GSK3B: variants seen among roughly 807,000 people sequenced by gnomAD.
GSK3B encodes glycogen synthase kinase-3 beta.
Under a neutral mutation model 56.4 loss-of-function variants are expected in GSK3B, and 15 were observed. The ratio of observed to expected loss-of-function variants is 0.27; its 90% CI spans 0.18 to 0.41. The LOEUF (loss-of-function observed/expected upper bound fraction) is 0.41. GSK3B is among the 10% of genes least tolerant of loss of function. The pLI is 1.00. For synonymous variants in GSK3B, 181 were observed against 188.9 expected, an observed-to-expected ratio of 0.96 and a Z score of 0.34; for missense variants, 300 against 513.4, an observed-to-expected ratio of 0.58 and a Z score of 4.02.
At chr3:119,859,015 G>A (rs1719891) in intron 9 of GSK3B, among the ~76,000 whole-genome samples, 70,904 of 151,526 alleles carry the variant, frequency 0.47, 19,729 homozygotes, top group Non-Finnish European at 0.61. Context: ...CACCATAATG[G>A]ATGTAATAAC....
At chr3:119,984,751 AC>A (rs2057498672) in intron 2 of GSK3B, among the ~76,000 whole-genome samples, 1 of 152,288 alleles carries the variant, frequency 6.6e-6, no homozygotes, top group East Asian at 1.9e-4. Context: ...AAAGTCCAGG[AC>A]CAGAGGTACA....
rs569114373 is a variant in GSK3B at position 119,920,105 on chromosome 3, C to T, written c.477+3268G>A. On this transcript the variant is annotated intron_variant, in intron 4 of 10. Transcript: ENST00000264235. Reference sequence around the variant, plus strand: ...TTTGAACATACCTTGTTTTGTCAATCTTGCTTTGAACTATGTATAAATATT... The same window carrying T: ...TTTGAACATACCTTGTTTTGTCAATTTTGCTTTGAACTATGTATAAATATT... Among the ~76,000 whole-genome samples, 55 of 152,146 alleles carry T rather than the reference C, an allele frequency of 3.6e-4. 1 individual carries two copies. Among genetic ancestry groups the T allele is most frequent in the Admixed American group, 3.3e-4 (5 of 15,260 alleles).
rs141098322 is a variant in GSK3B, at chr3:119,856,310, C to T, written c.1096+7109G>A. Among the ~76,000 whole-genome samples, 46 of 152,268 alleles carry T rather than the reference C, an allele frequency of 3.0e-4. No homozygotes were observed. The East Asian group carries it at 8.7e-3, about 29-fold the overall frequency. On this transcript the variant is annotated intron_variant, in intron 9 of 10. Coordinates refer to ENST00000264235, the MANE Select transcript of GSK3B (RefSeq NM_001146156.2). ...CTGCAATGTTGCATTTCTTTACTGTCTTGGTTATATATCATATACCACCAG... is the reference window on the plus strand; with the variant it reads ...CTGCAATGTTGCATTTCTTTACTGTTTTGGTTATATATCATATACCACCAG...
intron 9 of GSK3B, among the ~76,000 whole-genome samples, chr3:119,860,937 A>T (rs1379132664): frequency 6.6e-6 from 1 of 152,162 alleles, no homozygotes; most frequent in East Asian, 1.9e-4. Flanking sequence ...CCTTTAGAAG[A>T]ACCTCACTAA....
chr3:119,842,446 A>G (rs1330576781), intron 10 of GSK3B, among the ~76,000 whole-genome samples: 1 of 152,172 alleles, frequency 6.6e-6, no homozygotes, highest in Non-Finnish European at 1.5e-5. Context: ...CTTATAATTT[A>G]TACTTCTTGA....
intron 2 of GSK3B, among the ~76,000 whole-genome samples, chr3:119,961,521 G>A (rs1229031075): frequency 2.0e-5 from 3 of 151,622 alleles, no homozygotes; most frequent in African/African-American, 7.3e-5. Context: ...CCAGTTACTC[G>A]GGAGGCTGAG....
intron 2 of GSK3B, among the ~76,000 whole-genome samples, chr3:119,959,720 T>A (rs780188810): frequency 1.3e-5 from 2 of 151,976 alleles, no homozygotes; most frequent in Non-Finnish European, 2.9e-5. Flanking sequence ...TTTCACCATG[T>A]TGGCCAGGCT....
At chr3:119,984,692 A>G (rs1031106575) in intron 2 of GSK3B, among the ~76,000 whole-genome samples, 12 of 152,196 alleles carry the variant, frequency 7.9e-5, no homozygotes, top group Admixed American at 6.5e-4. Flanking sequence ...GAATAGACCA[A>G]TAACAGGCTC....
rs550523258 is a variant in GSK3B at position 119,851,076 on chromosome 3, C to T, written c.1097-7723G>A. 3.9e-5 allele frequency among the ~76,000 whole-genome samples: 6 copies of T among 152,234 alleles called. No homozygotes were observed. In the East Asian group the frequency reaches 5.8e-4, roughly 15 times the overall value. On this transcript the variant is annotated intron_variant, in intron 9 of 10. Coordinates refer to ENST00000264235, the MANE Select transcript of GSK3B (RefSeq NM_001146156.2). ...ATGAAAACTATTCATTAAAAAGCCA[C>T]GTAGTTTATTAGGGAAAACTACAAA...
intron 1 of GSK3B, among the ~76,000 whole-genome samples, chr3:120,088,593 T>G (rs1170040246): frequency 6.6e-6 from 1 of 152,224 alleles, no homozygotes; most frequent in East Asian, 1.9e-4. Flanking sequence ...AATGCTTTTA[T>G]TCTTGAAATC....
chr3:119,981,535 T>C (rs762705594), intron 2 of GSK3B, among the ~76,000 whole-genome samples: 20 of 152,258 alleles, frequency 1.3e-4, no homozygotes, highest in Non-Finnish European at 2.5e-4. Flanking sequence ...GCTGACAAGA[T>C]GATTCTCTCC....
chr3:120,013,849 GT>G (rs1215912573), intron 1 of GSK3B, among the ~76,000 whole-genome samples: 2 of 130,202 alleles, frequency 1.5e-5, no homozygotes, highest in African/African-American at 3.6e-5. Context: ...AAGAAACCAC[GT>G]TTAAAAAAAA....
intron 1 of GSK3B, among the ~76,000 whole-genome samples, chr3:120,013,391 C>T (rs2057795583): frequency 6.6e-6 from 1 of 152,118 alleles, no homozygotes; most frequent in Non-Finnish European, 1.5e-5. Context: ...GAAAAAGCAA[C>T]AACTGAGACA....
chr3:119,945,469 G>C (rs2057091092), intron 3 of GSK3B, among the ~76,000 whole-genome samples: 1 of 152,116 alleles, frequency 6.6e-6, no homozygotes, highest in Middle Eastern at 3.2e-3. Context: ...AACAGCAGCA[G>C]AGAGGAAATT....
chr3:120,030,574 T>C (rs540869481), intron 1 of GSK3B, among the ~76,000 whole-genome samples: 3 of 152,336 alleles, frequency 2.0e-5, no homozygotes, highest in East Asian at 1.9e-4. Context: ...GTTTATTGAA[T>C]ACACAAAGCA....
rs763828967 is a variant in GSK3B at position 120,002,094 on chromosome 3, T to G, written c.234A>C (p.Ser78=). The G allele has an allele frequency of 1.2e-6, 2 of 1,608,990 alleles. No homozygotes were observed. Among genetic ancestry groups the G allele is most frequent in the Admixed American group, 1.7e-5 (1 of 59,060 alleles). The change falls in exon 2 of 11, where the codon TCA becomes TCC. Residue 78 remains serine (S), a synonymous_variant. Coordinates refer to ENST00000264235, the MANE Select transcript of GSK3B (RefSeq NM_001146156.2). ...GVVYQAKLCD[S]GELVAIKKVL... ...CTTTCTTGATGGCGACCAGTTCTCCTGAATCACAAAGTTTGGCTTGATATA... is the reference window on the plus strand; with the variant it reads ...CTTTCTTGATGGCGACCAGTTCTCCGGAATCACAAAGTTTGGCTTGATATA...
intron 3 of GSK3B, among the ~76,000 whole-genome samples, chr3:119,928,540 G>A (rs1279927894): frequency 6.9e-6 from 1 of 145,612 alleles, no homozygotes; most frequent in Admixed American, 7.0e-5. Context: ...AGGAGGCAGA[G>A]GTTGCAGTAA....
chr3:120,081,012 T>C lies in GSK3B; in HGVS notation c.88+12335A>G, dbSNP rs1436704169. Among the ~76,000 whole-genome samples, 3 of 152,054 alleles carry C rather than the reference T, an allele frequency of 2.0e-5. No homozygotes were observed. The East Asian group carries it at 5.8e-4, about 29-fold the overall frequency. ...AACTGTCAGGTTTCACTGTTATAAA[T>C]CTCTCTTCAGTCCTTACCCACTCCA... On this transcript the variant is annotated intron_variant, in intron 1 of 10. Transcript: ENST00000264235.
chr3:120,068,268 G>C (rs1315775441), intron 1 of GSK3B, among the ~76,000 whole-genome samples: 4 of 151,812 alleles, frequency 2.6e-5, no homozygotes, highest in African/African-American at 7.3e-5. Flanking sequence ...GCACGCGCCT[G>C]TAATACCAGC....
Sources: gnomAD v4.1 joint callset for allele counts (sites outside exome capture counted in the v4.1 genomes callset) on GRCh38, gnomAD v4.1.1 for gene constraint, MANE v1.5 for transcripts, NCBI Gene and HGNC (gene_info 2026-07-23, HGNC 2026-07-21) for gene names.